PRDM12: variants seen among roughly 807,000 people sequenced by gnomAD.
PRDM12 encodes the protein PR domain zinc finger protein 12.
In PRDM12, 17 loss-of-function variants were observed where a neutral mutation model predicts 29.6. The observed-to-expected ratio is 0.57, with a 90% CI of 0.39 to 0.86. PRDM12 has a LOEUF of 0.86. PRDM12 is among the 40% of genes least tolerant of loss of function. The probability of loss-of-function intolerance (pLI) is 0.00; values close to 1 mark genes in which losing one functional copy is unlikely to be tolerated. For synonymous variants in PRDM12, 231 were observed against 225.8 expected (o/e 1.02, Z -0.21); for missense variants, 422 against 510.8 (o/e 0.83, Z 1.68).
In PRDM12 at chr9:130,678,726, G is replaced by A; in HGVS notation, c.682+86G>A. The A allele has an allele frequency of 6.3e-6, 7 of 1,116,768 alleles. No homozygotes were observed. In the South Asian group the frequency reaches 1.0e-4, roughly 16 times the overall value. 69.2% of individuals were successfully genotyped at this position (1,116,768 alleles called of 1,614,324 possible). A position where few individuals can be genotyped will look rare whatever the true frequency, so the allele number is the denominator to read the frequency against. The stretch of plus-strand genomic sequence containing the variant: ...GGAGAGAGAGAATGAGAGAGGCAGA[G>A]AGGCTCTTGGCCTCCAGGGACCTTG... On this transcript the variant is annotated intron_variant, in intron 4 of 4. Coordinates refer to ENST00000253008, the MANE Select transcript of PRDM12 (RefSeq NM_021619.3).
intron 3 of PRDM12, among the ~76,000 whole-genome samples, chr9:130,671,819 T>C (rs912630418): frequency 6.6e-6 from 1 of 152,242 alleles, no homozygotes; most frequent in African/African-American, 2.4e-5. Context: ...TGTGATGTTT[T>C]CTTAAACTTT....
Position 130,668,304 on chromosome 9 carries a change from G to A in PRDM12, c.561G>A (p.Lys187=). The change falls in exon 3 of 5, where the codon AAG becomes AAA. Residue 187 remains lysine (K), a synonymous_variant. Coordinates refer to ENST00000253008, the MANE Select transcript of PRDM12 (RefSeq NM_021619.3). This position sits in a 1 kb window ranked among gnomAD's most constrained non-coding sequence, Gnocchi z 4.0. ...AGATCGGCACCAGCATCTTCTACAA[G>A]GCCATTGAGGTGTGTGTGTGTGTGT... ...VVQIGTSIFY[K]AIEMIPPDQE... is the part of the protein sequence containing the mutation. 2 of 1,613,824 alleles carry A rather than the reference G, an allele frequency of 1.2e-6. No individual in the cohort carries two copies. Among genetic ancestry groups the A allele is most frequent in the Non-Finnish European group, 1.7e-6 (2 of 1,180,016 alleles).
chr9:130,672,034 G>A (rs987633757), intron 3 of PRDM12, among the ~76,000 whole-genome samples: 16 of 152,316 alleles, frequency 1.1e-4, no homozygotes, highest in African/African-American at 3.1e-4. Context: ...GCAGCAGGGC[G>A]TGCATCTGGC....
chr9:130,666,925 G>T (rs1409007265), intron 2 of PRDM12, 127 bp downstream of exon 2: 4 of 1,266,942 alleles, frequency 3.2e-6, no homozygotes, highest in Non-Finnish European at 4.2e-6. Context: ...TGGCCTGGAC[G>T]CCCCCTGAGC....
intron 3 of PRDM12, among the ~76,000 whole-genome samples, chr9:130,674,580 A>G (rs1021672731): frequency 1.3e-5 from 2 of 151,258 alleles, no homozygotes; most frequent in Admixed American, 1.3e-4. Context: ...CAGAGGCATG[A>G]TGTAGATGGC....
Position 130,668,193 on chromosome 9 carries a change from C to A in PRDM12, c.450C>A (p.Ile150=). 3 of 1,614,134 alleles carry A rather than the reference C, an allele frequency of 1.9e-6. No homozygotes were observed. Among genetic ancestry groups the A allele is most frequent in the Non-Finnish European group, 2.5e-6 (3 of 1,180,024 alleles). ...AGGATGGCACGGTGCGCTACTTCAT[C>A]GATGCCAGCCAGGAGGACCACCGGA... ...FNEDGTVRYF[I]DASQEDHRSW... The change falls in exon 3 of 5, where the codon ATC becomes ATA. Residue 150 remains isoleucine, a synonymous_variant. Transcript: ENST00000253008. The surrounding 1 kb of genome is among the most constrained non-coding windows in gnomAD (Gnocchi z 4.0).
intron 3 of PRDM12, among the ~76,000 whole-genome samples, chr9:130,673,502 T>TC (rs1564246816): frequency 6.6e-6 from 1 of 151,800 alleles, no homozygotes; most frequent in East Asian, 1.9e-4. Context: ...TCCAGCAGCC[T>TC]CTTTTTTTTT....
rs1401742327 is a variant in PRDM12 at position 130,664,644 on chromosome 9, C to T, written c.-10C>T. 3 of 1,556,696 alleles carry T rather than the reference C, an allele frequency of 1.9e-6. No homozygotes were observed. The highest frequency in any genetic ancestry group is 3.7e-5 in the Admixed American group (2 of 53,368). On this transcript the variant is annotated 5_prime_UTR_variant, in exon 1 of 5. Coordinates refer to ENST00000253008, the MANE Select transcript of PRDM12 (RefSeq NM_021619.3). The surrounding 1 kb of genome is among the most constrained non-coding windows in gnomAD (Gnocchi z 6.4). ...GCCGTCCCCCGGCGCCGGGGAGCTC[C>T]GGGCCGCCCATGATGGGCTCCGTGC...
Position 130,668,464 on chromosome 9 carries a change from A to G in PRDM12, c.570+151A>G. 1.6e-6 allele frequency: 2 copies of G among 1,290,266 alleles called. No homozygotes were observed. Among genetic ancestry groups the G allele is most frequent in the Non-Finnish European group, 2.1e-6 (2 of 937,876 alleles). 79.9% of individuals were successfully genotyped at this position (1,290,266 alleles called of 1,614,324 possible). A position where few individuals can be genotyped will look rare whatever the true frequency, so the allele number is the denominator to read the frequency against. On this transcript the variant is annotated intron_variant, in intron 3 of 4. Transcript: ENST00000253008. The surrounding 1 kb of genome is among the most constrained non-coding windows in gnomAD (Gnocchi z 4.0). ...TCTGCGCAGGCCATGGGGCTGTGGCAGACAGGTGGGTCTCCAGACATCCCG... is the reference window on the plus strand; with the variant it reads ...TCTGCGCAGGCCATGGGGCTGTGGCGGACAGGTGGGTCTCCAGACATCCCG...
chr9:130,674,013 T>C lies in PRDM12; in HGVS notation c.571-4516T>C, dbSNP rs536608263. On this transcript the variant is annotated intron_variant, in intron 3 of 4. Coordinates refer to ENST00000253008, the MANE Select transcript of PRDM12 (RefSeq NM_021619.3). ...TTTTTCTTTTCTTTCTTTCTTTCTT[T>C]TTTTTTTTTTTTTTTTTTTGAGACA... 4.8e-4 allele frequency among the ~76,000 whole-genome samples: 11 copies of C among 23,080 alleles called. No homozygotes were observed. In the South Asian group the frequency reaches 0.032, roughly 68 times the overall value. The allele number at this position is 23,080 out of a possible 152,430, so 15.1% of individuals were successfully genotyped here.
intron 3 of PRDM12, among the ~76,000 whole-genome samples, chr9:130,671,380 C>T (rs1183774392): frequency 6.1e-4 from 85 of 139,180 alleles, no homozygotes; most frequent in African/African-American, 2.6e-3. Flanking sequence ...TCAGGACACA[C>T]ACACACACAC....
intron 3 of PRDM12, among the ~76,000 whole-genome samples, chr9:130,676,894 C>T (rs1234667913): frequency 2.6e-5 from 4 of 151,376 alleles, no homozygotes; most frequent in Admixed American, 6.6e-5. Context: ...CCTTTTCTTT[C>T]GACCTCCCCT....
chr9:130,681,597 G>T lies in PRDM12; in HGVS notation c.1032G>T (p.Ala344=). 1.0e-6 allele frequency: 1 copy of T among 998,320 alleles called. No homozygotes were observed. Among genetic ancestry groups the T allele is most frequent in the Non-Finnish European group, 1.2e-6 (1 of 839,966 alleles). The allele number at this position is 998,320 out of a possible 1,614,324, so 61.8% of individuals were successfully genotyped here. ...CGCTGCCCGCCCCGCACGCGCACGC[G>T]CCCGCGCTCGCCGCCGCCGCCGCCG... ...SPALPAPHAH[A]PALAAAAAAA... is the part of the protein sequence containing the mutation. Residue 344 remains alanine, a synonymous_variant, in exon 5 of 5, where the codon GCG becomes GCT. Transcript: ENST00000253008. This position sits in a 1 kb window ranked among gnomAD's most constrained non-coding sequence, Gnocchi z 8.1.
In PRDM12 at chr9:130,676,216, C is replaced by T. The variant is rs369122774; in HGVS notation, c.571-2313C>T. Among the ~76,000 whole-genome samples, 25 of 152,234 alleles carry T rather than the reference C, an allele frequency of 1.6e-4. No individual in the cohort carries two copies. The South Asian group carries it at 2.3e-3, about 14-fold the overall frequency. ...TGTAAAAAACAAAAAAAAAGCTGGG[C>T]GCGGTGGCTCACACCTGTAATCCCA... On this transcript the variant is annotated intron_variant, in intron 3 of 4. Transcript: ENST00000253008.
Position 130,680,662 on chromosome 9 carries a change from T to A in PRDM12, c.683-586T>A, listed in dbSNP as rs1223410693. Among the ~76,000 whole-genome samples, 960 of 117,476 alleles carry A rather than the reference T, an allele frequency of 8.2e-3. 14 individuals carry two copies. The highest frequency in any genetic ancestry group is 0.018 in the African/African-American group (529 of 30,096). The allele number at this position is 117,476 out of a possible 152,430, so 77.1% of individuals were successfully genotyped here. On this transcript the variant is annotated intron_variant, in intron 4 of 4. Coordinates refer to ENST00000253008, the MANE Select transcript of PRDM12 (RefSeq NM_021619.3). ...ATATATATATATATATATATATATT[T>A]TTTTTTTTTTTAACTGATCCTTACC...
chr9:130,666,680 G>A lies in PRDM12; in HGVS notation c.296G>A (p.Gly99Asp). 1 of 1,613,486 alleles carries A rather than the reference G, an allele frequency of 6.2e-7. No homozygotes were observed. The highest frequency in any genetic ancestry group is 8.5e-7 in the Non-Finnish European group (1 of 1,179,824). ...IIAQSSIPGE[G>D]LGIFSKTWIK... ...GCTCAGAGCTCCATCCCTGGCGAGGGCCTCGGCATCTTCTCCAAGACGTGG... is the reference window on the plus strand; with the variant it reads ...GCTCAGAGCTCCATCCCTGGCGAGGACCTCGGCATCTTCTCCAAGACGTGG... Residue 99 changes from glycine to aspartate, a missense_variant, in exon 2 of 5, where the codon GGC becomes GAC. Physicochemically the swap from Gly to Asp is moderately conservative, Grantham distance 94. This residue lies in a region of PRDM12 where 300 missense variants were observed against 350.0 expected (regional missense o/e 0.86). Transcript: ENST00000253008.
At chr9:130,678,436 G>T in intron 3 of PRDM12, 93 bp from the exon 4 acceptor site, 2 of 864,032 alleles carry the variant, frequency 2.3e-6, no homozygotes, top group South Asian at 1.6e-5. Flanking sequence ...GACTGGGTCC[G>T]GGTCTCCTGG....
chr9:130,669,531 A>G (rs929169457), intron 3 of PRDM12, among the ~76,000 whole-genome samples: 3 of 148,202 alleles, frequency 2.0e-5, no homozygotes, highest in Non-Finnish European at 4.5e-5. Flanking sequence ...TCAAAAAAAA[A>G]AAGGCTTGGC....
At position 130,682,824 on chromosome 9, in the gene PRDM12, G is replaced by T. The variant is rs781630788; in HGVS notation, c.*1155G>T. 3.3e-5 allele frequency: 5 copies of T among 152,636 alleles called. No individual in the cohort carries two copies. The highest frequency in any genetic ancestry group is 4.8e-5 in the African/African-American group (2 of 41,440). 9.5% of individuals were successfully genotyped at this position (152,636 alleles called of 1,614,324 possible). On this transcript the variant is annotated 3_prime_UTR_variant, in exon 5 of 5. Transcript: ENST00000253008. The surrounding 1 kb of genome is among the most constrained non-coding windows in gnomAD (Gnocchi z 4.2). ...AAATGTATAGAGTTTTCAAGAAACT[G>T]CGTTCTACTTCCAGAAGATGGTCAC...
Sources: gnomAD v4.1 joint callset for allele counts (sites outside exome capture counted in the v4.1 genomes callset) on GRCh38, gnomAD v4.1.1 for gene constraint, gnomAD v4.1.1 regional missense constraint, Gnocchi (gnomAD v3.1) non-coding constraint, MANE v1.5 for transcripts, NCBI Gene and HGNC (gene_info 2026-07-23, HGNC 2026-07-21) for gene names.